The following AP3B1 variants were observed in gnomAD, a reference collection of about 807,000 sequenced individuals.
AP3B1 encodes the protein adaptor related protein complex 3 subunit beta 1.
In AP3B1, 61 loss-of-function variants were observed where a neutral mutation model predicts 132.5. The observed-to-expected ratio is 0.46, with a 90% confidence interval of 0.37 to 0.57. AP3B1 has a LOEUF of 0.57. Among genes scored for constraint, AP3B1 ranks in the 20% least tolerant of loss-of-function variants. The probability of loss-of-function intolerance (pLI) is 0.00; values close to 1 mark genes in which losing one functional copy is unlikely to be tolerated. For synonymous variants in AP3B1, 388 were observed against 438.3 expected (o/e 0.89, Z 1.43); for missense variants, 1,120 against 1,289.4 (o/e 0.87, Z 2.01).
chr5:78,255,442 T>C (rs1196917371), intron 2 of AP3B1, among the ~76,000 whole-genome samples: 1 of 136,410 alleles, frequency 7.3e-6, no homozygotes, highest in East Asian at 2.0e-4. Context: ...AGAGCAGGAG[T>C]TGCTATACAA....
intron 15 of AP3B1, among the ~76,000 whole-genome samples, chr5:78,136,219 G>A (rs182737576): frequency 1.2e-4 from 18 of 152,218 alleles, no homozygotes; most frequent in Admixed American, 1.1e-3. Context: ...TAACTAAAAT[G>A]AACTAGGCAC....
chr5:78,057,328 T>C (rs1748857226), intron 22 of AP3B1, among the ~76,000 whole-genome samples: 2 of 152,182 alleles, frequency 1.3e-5, no homozygotes, highest in Admixed American at 1.3e-4. Context: ...AGTGGACCCT[T>C]AGGGTTCCTT....
intron 20 of AP3B1, chr5:78,101,438 T>C: frequency 2.7e-6 from 1 of 365,564 alleles, no homozygotes; most frequent in South Asian, 2.3e-5. Flanking sequence ...TTTGATGGGC[T>C]TGTGATAGGT....
intron 2 of AP3B1, among the ~76,000 whole-genome samples, chr5:78,257,072 T>C (rs181982941): frequency 6.6e-6 from 1 of 152,254 alleles, no homozygotes; most frequent in African/African-American, 2.4e-5. Flanking sequence ...TCATTCTGAA[T>C]GGGAAAAAAC....
chr5:78,066,405 G>C (rs113581056), intron 22 of AP3B1, among the ~76,000 whole-genome samples: 151 of 152,296 alleles, frequency 9.9e-4, no homozygotes, highest in Non-Finnish European at 1.6e-3. Context: ...ATGCAAAGAA[G>C]CTAAGAACCG....
rs184962423 is a variant in AP3B1 at position 78,266,106 on chromosome 5, C to G, written c.204+1414G>C. On this transcript the variant is annotated intron_variant, in intron 2 of 26. Transcript: ENST00000255194. ...GATCATGATACATGTTTGTAATTTACAAGTTATTTGTAGAATGAAGAGCTA... is the reference window on the plus strand; with the variant it reads ...GATCATGATACATGTTTGTAATTTAGAAGTTATTTGTAGAATGAAGAGCTA... Among the ~76,000 whole-genome samples, 68 of 140,394 alleles carry G rather than the reference C, an allele frequency of 4.8e-4. 1 individual carries two copies. In the East Asian group the frequency reaches 0.012, roughly 24 times the overall value. The allele number at this position is 140,394 out of a possible 152,430, so 92.1% of individuals were successfully genotyped here.
At chr5:78,127,034 C>T (rs1190617722) in intron 17 of AP3B1, among the ~76,000 whole-genome samples, 1 of 152,144 alleles carries the variant, frequency 6.6e-6, no homozygotes, top group Non-Finnish European at 1.5e-5. Flanking sequence ...TAATTCCGGC[C>T]ATGCTTCAAA....
chr5:78,204,313 G>A (rs1245935151), intron 7 of AP3B1, among the ~76,000 whole-genome samples: 1 of 152,096 alleles, frequency 6.6e-6, no homozygotes, highest in East Asian at 1.9e-4. Context: ...TGTTGCATGT[G>A]GTCATGGAAG....
chr5:78,182,703 C>A (rs1486090893), intron 7 of AP3B1, among the ~76,000 whole-genome samples: 1 of 152,172 alleles, frequency 6.6e-6, no homozygotes, highest in Non-Finnish European at 1.5e-5. Flanking sequence ...AGTAACTACT[C>A]AAGTGCAGCC....
At chr5:78,196,327 A>T (rs1241693023) in intron 7 of AP3B1, among the ~76,000 whole-genome samples, 1 of 152,228 alleles carries the variant, frequency 6.6e-6, no homozygotes, top group Non-Finnish European at 1.5e-5. Context: ...GATATACTAT[A>T]ACACATTTAT....
intron 6 of AP3B1, chr5:78,222,237 G>A (rs890338352): frequency 1.3e-5 from 2 of 153,042 alleles, no homozygotes; most frequent in African/African-American, 4.8e-5. Context: ...GCTGAAAAGG[G>A]TGTCTGAGAC....
At chr5:78,242,145 A>G (rs1217589277) in intron 2 of AP3B1, among the ~76,000 whole-genome samples, 1 of 152,202 alleles carries the variant, frequency 6.6e-6, no homozygotes, top group Non-Finnish European at 1.5e-5. Context: ...CTGGAGTCCA[A>G]ATGATTTTAT....
At chr5:78,215,819 A>G (rs140870530) in intron 7 of AP3B1, among the ~76,000 whole-genome samples, 182 of 152,314 alleles carry the variant, frequency 1.2e-3, no homozygotes, top group African/African-American at 4.0e-3. Context: ...GCCAGTATCA[A>G]ACTAAAAGTG....
At chr5:78,161,635 C>T (rs1561448666) in intron 13 of AP3B1, among the ~76,000 whole-genome samples, 1 of 151,918 alleles carries the variant, frequency 6.6e-6, no homozygotes, top group Non-Finnish European at 1.5e-5. Flanking sequence ...CCACTAGCTA[C>T]TTTGTAGAGA....
At position 78,219,497 on chromosome 5, in the gene AP3B1, T is replaced by A. The variant is rs79336289; in HGVS notation, c.604-3260A>T. Among the ~76,000 whole-genome samples the A allele has an allele frequency of 3.0e-3, 463 of 152,098 alleles. 4 individuals carry two copies. The highest frequency in any genetic ancestry group is 0.011 in the African/African-American group (442 of 41,554). On this transcript the variant is annotated intron_variant, in intron 6 of 26. Coordinates refer to ENST00000255194, the MANE Select transcript of AP3B1 (RefSeq NM_003664.5). ...AAATTTAAGAATAAACAATAAAAATTCATATAAAGAAAAATGGTAACAGTT... is the reference window on the plus strand; with the variant it reads ...AAATTTAAGAATAAACAATAAAAATACATATAAAGAAAAATGGTAACAGTT...
At chr5:78,095,377 T>C (rs1040815587) in intron 21 of AP3B1, among the ~76,000 whole-genome samples, 1 of 152,230 alleles carries the variant, frequency 6.6e-6, no homozygotes, top group Non-Finnish European at 1.5e-5. Flanking sequence ...ATTAATCTAA[T>C]TCTCACAGTT....
At chr5:78,099,737 A>C (rs1231660222) in intron 21 of AP3B1, among the ~76,000 whole-genome samples, 1 of 152,116 alleles carries the variant, frequency 6.6e-6, no homozygotes, top group Non-Finnish European at 1.5e-5. Context: ...CTACTAAAAA[A>C]AAATACAAAA....
intron 1 of AP3B1, among the ~76,000 whole-genome samples, chr5:78,293,519 T>C (rs1053499997): frequency 6.6e-6 from 1 of 152,230 alleles, no homozygotes; most frequent in African/African-American, 2.4e-5. Flanking sequence ...CCAATATTGT[T>C]AGTAACGTTT....
chr5:78,052,479 A>G (rs1270475486), intron 22 of AP3B1, among the ~76,000 whole-genome samples: 1 of 152,228 alleles, frequency 6.6e-6, no homozygotes, highest in Non-Finnish European at 1.5e-5. Flanking sequence ...TAACATTAAA[A>G]TGATATGAAA....
Sources: gnomAD v4.1 joint callset for allele counts (sites outside exome capture counted in the v4.1 genomes callset) on GRCh38, gnomAD v4.1.1 for gene constraint, MANE v1.5 for transcripts, NCBI Gene and HGNC (gene_info 2026-07-23, HGNC 2026-07-21) for gene names.